The following LPIN1 variants were observed in gnomAD, a reference collection of about 807,000 sequenced individuals.
LPIN1 encodes lipin 1.
Under a neutral mutation model 107.5 loss-of-function variants are expected in LPIN1, and 71 were observed. The ratio of observed to expected loss-of-function variants is 0.66; its 90% CI spans 0.55 to 0.80. LPIN1 has a LOEUF of 0.80. Ranked by LOEUF, LPIN1 falls within the 30% of genes least tolerant of loss-of-function variation. LPIN1 has a pLI of 0.00. For synonymous variants in LPIN1, 445 were observed against 452.6 expected, an observed-to-expected ratio of 0.98 and a Z score of 0.21; for missense variants, 1,043 against 1,160.6, an observed-to-expected ratio of 0.90 and a Z score of 1.47.
At chr2:11,768,185 G>A (rs541564772) in intron 3 of LPIN1, among the ~76,000 whole-genome samples, 2 of 152,248 alleles carry the variant, frequency 1.3e-5, no homozygotes, top group South Asian at 4.1e-4. Flanking sequence ...AATGCCCAAT[G>A]TTCTTTTATT....
At chr2:11,819,713 C>A in intron 19 of LPIN1, 115 bp downstream of exon 19, 1 of 838,704 alleles carries the variant, frequency 1.2e-6, no homozygotes, top group Non-Finnish European at 2.1e-6. Context: ...ATCCCAGAAG[C>A]AGTAGCCTGG....
At position 11,819,355 on chromosome 2, in the gene LPIN1, C is replaced by T; in HGVS notation, c.2403-129C>T. On this transcript the variant is annotated intron_variant, in intron 18 of 20. Coordinates refer to ENST00000674199, the MANE Select transcript of LPIN1 (RefSeq NM_001349206.2). ...GTGCTTTTCTGGGATGTCTCAGCTG[C>T]CTGACACACACTAAACTTTTGAAGA... The T allele has an allele frequency of 4.2e-6, 3 of 706,328 alleles. No homozygotes were observed. In the South Asian group the frequency reaches 4.8e-5, roughly 11 times the overall value. 43.8% of individuals were successfully genotyped at this position (706,328 alleles called of 1,614,324 possible). A position where few individuals can be genotyped will look rare whatever the true frequency, so the allele number is the denominator to read the frequency against.
At chr2:11,709,481 A>G (rs1232913340) in intron 1 of LPIN1, among the ~76,000 whole-genome samples, 2 of 152,214 alleles carry the variant, frequency 1.3e-5, no homozygotes, top group Admixed American at 6.5e-5. Context: ...CACATTTTGG[A>G]CAGTTCCCAC....
chr2:11,749,157 C>T (rs2148573567), intron 1 of LPIN1, among the ~76,000 whole-genome samples: 1 of 152,210 alleles, frequency 6.6e-6, no homozygotes, highest in Middle Eastern at 3.4e-3. Flanking sequence ...GGGACAAAAC[C>T]CAAGCAAAGC....
intron 1 of LPIN1, among the ~76,000 whole-genome samples, chr2:11,680,492 G>A (rs1390159341): frequency 2.0e-5 from 3 of 152,242 alleles, no homozygotes; most frequent in Admixed American, 2.0e-4. Context: ...AAGGTGGAAT[G>A]GGAATGGGTG....
At chr2:11,716,184 C>T (rs1011016850) in intron 2 of LPIN1, among the ~76,000 whole-genome samples, 11 of 152,114 alleles carry the variant, frequency 7.2e-5, no homozygotes, top group South Asian at 2.1e-4. Flanking sequence ...GACAGACTCA[C>T]GCTGGAGGGC....
chr2:11,736,202 C>T (rs575212270), intron 1 of LPIN1, among the ~76,000 whole-genome samples: 5 of 152,324 alleles, frequency 3.3e-5, no homozygotes, highest in African/African-American at 1.2e-4. Flanking sequence ...AGGATGCGAG[C>T]ATCTTTTCAG....
rs374715112 is a variant in LPIN1, at chr2:11,765,504, G to A, written c.-9-29G>A. The A allele has an allele frequency of 2.6e-6, 4 of 1,543,514 alleles. No homozygotes were observed. The highest frequency in any genetic ancestry group is 3.5e-6 in the Non-Finnish European group (4 of 1,145,956). ...TCTTCCTTGGATTAATTGTGTGTCT[G>A]TGTGTGTTTTTTTTTGTCTGTTTTC... On this transcript the variant is annotated intron_variant, in intron 1 of 20. Transcript: ENST00000674199. This position sits in a 1 kb window ranked among gnomAD's most constrained non-coding sequence, Gnocchi z 4.4.
At chr2:11,706,791 G>A (rs1342867118) in intron 1 of LPIN1, among the ~76,000 whole-genome samples, 1 of 152,204 alleles carries the variant, frequency 6.6e-6, no homozygotes, top group Non-Finnish European at 1.5e-5. Context: ...CGTGGGGTGA[G>A]GAGGTGGTCT....
intron 1 of LPIN1, among the ~76,000 whole-genome samples, chr2:11,762,842 G>A (rs1443537795): frequency 6.6e-6 from 1 of 152,178 alleles, no homozygotes; most frequent in Non-Finnish European, 1.5e-5. Context: ...TGAGCCACAG[G>A]TTCACACACG....
chr2:11,788,541 T>G, intron 12 of LPIN1, 85 bp downstream of exon 12: 1 of 1,050,748 alleles, frequency 9.5e-7, no homozygotes, highest in Non-Finnish European at 1.5e-6. Flanking sequence ...ACTTTTATTT[T>G]GGAAACTACA....
chr2:11,764,120 A>ACAAC (rs1454423309), intron 1 of LPIN1: 1 of 143,502 alleles, frequency 7.0e-6, no homozygotes, highest in Non-Finnish European at 1.5e-5. Context: ...ACACACACAC[A>ACAAC]ACGACTAAAA....
In LPIN1 at chr2:11,803,073, A is replaced by C. The variant is rs1213055418; in HGVS notation, c.2013+40A>C. On this transcript the variant is annotated intron_variant, in intron 15 of 20. Transcript: ENST00000674199. The surrounding 1 kb of genome is among the most constrained non-coding windows in gnomAD (Gnocchi z 4.2). ...CTTGGCGCGGCTGTGTTGTGAGCAC[A>C]TGAGGTTTCTGCAGACTCCTAAGGC... 1.2e-6 allele frequency: 2 copies of C among 1,610,738 alleles called. No homozygotes were observed. The highest frequency in any genetic ancestry group is 1.7e-6 in the Non-Finnish European group (2 of 1,179,918).
chr2:11,688,601 G>A (rs1662125420), intron 1 of LPIN1, among the ~76,000 whole-genome samples: 1 of 152,204 alleles, frequency 6.6e-6, no homozygotes, highest in Non-Finnish European at 1.5e-5. Context: ...ACCCTCTAGA[G>A]GGCGCTGTCA....
chr2:11,748,933 C>A (rs902726401), intron 1 of LPIN1, among the ~76,000 whole-genome samples: 2 of 152,162 alleles, frequency 1.3e-5, no homozygotes, highest in East Asian at 3.9e-4. Flanking sequence ...TTTGCACTTG[C>A]ACTTCCTCAC....
At chr2:11,757,995 AG>A (rs1222566795) in intron 1 of LPIN1, among the ~76,000 whole-genome samples, 1 of 152,186 alleles carries the variant, frequency 6.6e-6, no homozygotes, top group Non-Finnish European at 1.5e-5. Context: ...TGTCTAAGGT[AG>A]CTCATGTAAG....
At chr2:11,807,821 A>G (rs773560365) in intron 17 of LPIN1, among the ~76,000 whole-genome samples, 5 of 152,144 alleles carry the variant, frequency 3.3e-5, no homozygotes, top group Non-Finnish European at 5.9e-5. Flanking sequence ...GCAGCTTTCT[A>G]CAACCTTCAG....
chr2:11,790,857 T>A (rs1003035834), intron 12 of LPIN1, among the ~76,000 whole-genome samples: 7 of 152,266 alleles, frequency 4.6e-5, no homozygotes, highest in Admixed American at 3.9e-4. Context: ...TTCTACTTAC[T>A]ACTCTTCTGC....
Position 11,771,448 on chromosome 2 carries a change from G to T in LPIN1, c.365G>T (p.Arg122Met). Residue 122 changes from arginine (R) to methionine (M), a missense_variant, in exon 4 of 21, where the codon AGG (arginine) becomes ATG (methionine). Transcript: ENST00000674199. This position sits in a 1 kb window ranked among gnomAD's most constrained non-coding sequence, Gnocchi z 4.8. ...TCGAGAATGGAATGCCAGCTGAAAA[G>T]GGGCTCTGTGGACAGGATGAGAGGC... is the stretch of plus-strand genomic sequence containing the variant. ...GASRMECQLKRGSVDRMRGLD... is the reference protein window; with the variant it reads ...GASRMECQLKMGSVDRMRGLD... The T allele has an allele frequency of 6.2e-7, 1 of 1,614,250 alleles. No individual in the cohort carries two copies. The highest frequency in any genetic ancestry group is 1.1e-5 in the South Asian group (1 of 91,084).
Sources: gnomAD v4.1 joint callset for allele counts (sites outside exome capture counted in the v4.1 genomes callset) on GRCh38, gnomAD v4.1.1 for gene constraint, Gnocchi (gnomAD v3.1) non-coding constraint, MANE v1.5 for transcripts, NCBI Gene and HGNC (gene_info 2026-07-23, HGNC 2026-07-21) for gene names.